The following ARB2A variants were observed in gnomAD, a reference collection of about 807,000 sequenced individuals.
ARB2A encodes the protein ARB2 cotranscriptional regulator A, also known as cotranscriptional regulator ARB2A.
chr5:93,759,956 G>C, the ARB2A span, among the ~76,000 whole-genome samples: 4 of 152,130 alleles, frequency 2.6e-5, no homozygotes, highest in South Asian at 8.3e-4. Context: ...AAGTCAAACT[G>C]TCACTGTTTG....
At chr5:93,621,454 G>C in the ARB2A span, among the ~76,000 whole-genome samples, 35 of 152,306 alleles carry the variant, frequency 2.3e-4, no homozygotes, top group African/African-American at 8.4e-4. Context: ...ACGCGGGGAC[G>C]CGGCCCGGAT....
chr5:94,074,124 A>C, the ARB2A span, among the ~76,000 whole-genome samples: 2 of 152,142 alleles, frequency 1.3e-5, no homozygotes, highest in African/African-American at 4.8e-5. Context: ...ATTCAACAAC[A>C]GACACTTCTT....
the ARB2A span, among the ~76,000 whole-genome samples, chr5:93,847,725 C>T: frequency 6.6e-6 from 1 of 152,272 alleles, no homozygotes; most frequent in African/African-American, 2.4e-5. Flanking sequence ...TATGAATTAA[C>T]ATGTATTAAA....
chr5:93,720,358 T>C, the ARB2A span, among the ~76,000 whole-genome samples: 7 of 152,324 alleles, frequency 4.6e-5, no homozygotes, highest in South Asian at 1.4e-3. Context: ...TTAGTTTCCA[T>C]AATCCACAAT....
At chr5:93,949,053 A>G in the ARB2A span, among the ~76,000 whole-genome samples, 2 of 152,158 alleles carry the variant, frequency 1.3e-5, no homozygotes, top group Non-Finnish European at 2.9e-5. Context: ...CCTTGGGTTC[A>G]TATCTTACTA....
the ARB2A span, among the ~76,000 whole-genome samples, chr5:94,048,243 C>G: frequency 6.6e-6 from 1 of 151,908 alleles, no homozygotes; most frequent in East Asian, 1.9e-4. Context: ...TTAGTACAGA[C>G]AGGGTTTCAC....
At chr5:94,057,866 G>A in the ARB2A span, among the ~76,000 whole-genome samples, 7 of 152,314 alleles carry the variant, frequency 4.6e-5, no homozygotes, top group Non-Finnish European at 8.8e-5. Flanking sequence ...TGAAGACCCT[G>A]TTGAGCTGAT....
the ARB2A span, among the ~76,000 whole-genome samples, chr5:94,028,151 T>A: frequency 6.6e-6 from 1 of 152,226 alleles, no homozygotes; most frequent in Non-Finnish European, 1.5e-5. Context: ...CTGTTCTTTG[T>A]CCCAGATAGA....
chr5:93,878,087 G>A, the ARB2A span, among the ~76,000 whole-genome samples: 1 of 148,910 alleles, frequency 6.7e-6, no homozygotes, highest in African/African-American at 2.4e-5. Context: ...TTAATTTTTG[G>A]ATTGTAATCT....
chr5:93,790,436 C>A, the ARB2A span, among the ~76,000 whole-genome samples: 1 of 152,140 alleles, frequency 6.6e-6, no homozygotes, highest in Non-Finnish European at 1.5e-5. Context: ...AAAACATGTA[C>A]GAAGGGCTGC....
the ARB2A span, among the ~76,000 whole-genome samples, chr5:93,838,042 G>A: frequency 1.3e-5 from 2 of 152,028 alleles, no homozygotes; most frequent in Non-Finnish European, 1.5e-5. Context: ...TGCTTTTGTT[G>A]CGATTGCTTT....
the ARB2A span, among the ~76,000 whole-genome samples, chr5:93,779,187 A>C: frequency 6.6e-6 from 1 of 152,024 alleles, no homozygotes; most frequent in African/African-American, 2.4e-5. Flanking sequence ...TATAGAAAAA[A>C]GGGCAAAACA....
chr5:93,671,806 A>C, the ARB2A span, among the ~76,000 whole-genome samples: 1 of 152,204 alleles, frequency 6.6e-6, no homozygotes, highest in Non-Finnish European at 1.5e-5. Flanking sequence ...ATAATCATTA[A>C]GACTTAAAAC....
chr5:93,783,778 T>G, the ARB2A span, among the ~76,000 whole-genome samples: 1 of 152,158 alleles, frequency 6.6e-6, no homozygotes, highest in African/African-American at 2.4e-5. Context: ...TGGGAGCATA[T>G]TCAATGAATC....
chr5:94,100,945 A>T, the ARB2A span, among the ~76,000 whole-genome samples: 9 of 152,222 alleles, frequency 5.9e-5, no homozygotes, highest in African/African-American at 2.2e-4. Context: ...ATGGGATCTA[A>T]TTAAACTTAA....
At chr5:93,719,839 G>A in the ARB2A span, among the ~76,000 whole-genome samples, 1 of 152,136 alleles carries the variant, frequency 6.6e-6, no homozygotes, top group East Asian at 1.9e-4. Context: ...AAGTAATACA[G>A]ATAGAAAATC....
chr5:93,881,102 C>T, the ARB2A span, among the ~76,000 whole-genome samples: 293 of 151,690 alleles, frequency 1.9e-3, 1 homozygote, highest in African/African-American at 6.8e-3. Flanking sequence ...GACAACATAA[C>T]GGCATGTTAT....
At chr5:93,838,939 T>G in the ARB2A span, among the ~76,000 whole-genome samples, 1 of 152,170 alleles carries the variant, frequency 6.6e-6, no homozygotes, top group Admixed American at 6.5e-5. Context: ...ATCAAGGAGC[T>G]TTTGGGCAGA....
the ARB2A span, chr5:94,055,848 C>G: frequency 2.0e-6 from 2 of 985,336 alleles, no homozygotes; most frequent in Non-Finnish European, 2.4e-6. Context: ...TCGAAACTGT[C>G]CATACATAAG....
Sources: allele counts gnomAD v4.1 joint callset (sites outside exome capture counted in the v4.1 genomes callset), GRCh38; gene constraint gnomAD v4.1.1; transcripts MANE v1.5; gene names NCBI Gene and HGNC (gene_info 2026-07-23, HGNC 2026-07-21).